Variants in SRBD1 observed in about 807,000 individuals in gnomAD.
SRBD1 encodes the protein S1 RNA-binding domain-containing protein 1.
Under a neutral mutation model 115.3 loss-of-function variants are expected in SRBD1, and 88 were observed. The ratio of observed to expected loss-of-function variants is 0.76; its 90% CI spans 0.64 to 0.91. The LOEUF is 0.91. Ranked by LOEUF, SRBD1 falls within the 40% of genes least tolerant of loss-of-function variation. The probability of loss-of-function intolerance (pLI) is 0.00; values close to 1 mark genes in which losing one functional copy is unlikely to be tolerated. For missense variants in SRBD1, 1,385 were observed against 1,177.4 expected (o/e 1.18, Z -2.58); for synonymous variants, 509 against 407.7 (o/e 1.25, Z -2.99).
At chr2:45,584,203 T>C (rs1673447277) in intron 5 of SRBD1, among the ~76,000 whole-genome samples, 1 of 152,206 alleles carries the variant, frequency 6.6e-6, no homozygotes, top group Non-Finnish European at 1.5e-5. Flanking sequence ...CCAGCTTCTT[T>C]TCAGAAACAG....
intron 1 of SRBD1, among the ~76,000 whole-genome samples, chr2:45,607,196 T>C (rs941571605): frequency 1.3e-5 from 2 of 152,176 alleles, no homozygotes; most frequent in African/African-American, 2.4e-5. Flanking sequence ...GAACAGGTAA[T>C]TGTGATTTTT....
chr2:45,571,517 C>CAAAAAAAAAA (rs58100763), intron 9 of SRBD1, among the ~76,000 whole-genome samples: 755 of 39,408 alleles, frequency 0.019, 70 homozygotes, highest in Non-Finnish European at 0.026. Context: ...CAGACTTTAC[C>CAAAAAAAAAA]AAAAAAAAAA....
At chr2:45,440,233 C>T (rs1418950648) in intron 16 of SRBD1, among the ~76,000 whole-genome samples, 1 of 151,852 alleles carries the variant, frequency 6.6e-6, no homozygotes, top group African/African-American at 2.4e-5. Context: ...AATCATGAAA[C>T]TAAAAAAATG....
intron 5 of SRBD1, among the ~76,000 whole-genome samples, chr2:45,584,043 T>C (rs550324885): frequency 4.5e-4 from 68 of 152,322 alleles, no homozygotes; most frequent in African/African-American, 1.6e-3. Flanking sequence ...TTTCTCCAAT[T>C]TCAGATCCAA....
chr2:45,593,483 C>G (rs797018870), intron 4 of SRBD1, among the ~76,000 whole-genome samples: 18 of 152,242 alleles, frequency 1.2e-4, no homozygotes, highest in African/African-American at 4.3e-4. Flanking sequence ...TTAAAATGCC[C>G]TCTCTAAAAC....
intron 16 of SRBD1, among the ~76,000 whole-genome samples, chr2:45,427,203 C>A (rs777148613): frequency 6.7e-6 from 1 of 148,848 alleles, no homozygotes; most frequent in Admixed American, 6.7e-5. Context: ...CCTGATGAAG[C>A]TGAAAAACAC....
At chr2:45,597,153 G>A (rs1673927706) in intron 4 of SRBD1, among the ~76,000 whole-genome samples, 1 of 152,156 alleles carries the variant, frequency 6.6e-6, no homozygotes, top group Non-Finnish European at 1.5e-5. Context: ...GAGTGCGGTG[G>A]CTTACACCTG....
chr2:45,570,697 T>C (rs1303165230), intron 9 of SRBD1, among the ~76,000 whole-genome samples: 2 of 152,182 alleles, frequency 1.3e-5, no homozygotes, highest in Non-Finnish European at 2.9e-5. Flanking sequence ...TACCCCAGTC[T>C]CCAGCTCAGC....
intron 16 of SRBD1, among the ~76,000 whole-genome samples, chr2:45,420,570 C>T (rs1191736279): frequency 2.6e-5 from 4 of 151,992 alleles, no homozygotes; most frequent in African/African-American, 4.8e-5. Flanking sequence ...ATTTAGAAAC[C>T]GTAAGAACCA....
At chr2:45,605,571 G>C (rs1674242871) in intron 1 of SRBD1, 130 bp from the exon 2 acceptor site, 2 of 847,194 alleles carry the variant, frequency 2.4e-6, no homozygotes, top group South Asian at 3.2e-5. Context: ...TTATTCACAA[G>C]CCCAAACATC....
intron 16 of SRBD1, among the ~76,000 whole-genome samples, chr2:45,435,459 G>A (rs964103020): frequency 6.6e-6 from 1 of 151,662 alleles, no homozygotes; most frequent in Non-Finnish European, 1.5e-5. Context: ...GCTCTGAAGA[G>A]CAGTATTCCA....
chr2:45,504,949 A>C (rs1332251542), intron 14 of SRBD1, among the ~76,000 whole-genome samples: 1 of 152,174 alleles, frequency 6.6e-6, no homozygotes, highest in Non-Finnish European at 1.5e-5. Flanking sequence ...CCTCATTATT[A>C]TCTAGTGAAG....
intron 14 of SRBD1, among the ~76,000 whole-genome samples, chr2:45,541,099 G>A (rs1032382507): frequency 6.6e-6 from 1 of 152,234 alleles, no homozygotes; most frequent in African/African-American, 2.4e-5. Context: ...GTAGTGCGGT[G>A]AGCGGTGTGT....
chr2:45,446,302 T>A (rs1018532414), intron 16 of SRBD1, among the ~76,000 whole-genome samples: 5 of 152,172 alleles, frequency 3.3e-5, no homozygotes, highest in Non-Finnish European at 1.5e-5. Context: ...CCCTGCTTCA[T>A]AATGTCTTTA....
chr2:45,519,769 A>T (rs1366192478), intron 14 of SRBD1, among the ~76,000 whole-genome samples: 1 of 152,172 alleles, frequency 6.6e-6, no homozygotes, highest in Non-Finnish European at 1.5e-5. Context: ...CTTTCAGAGA[A>T]GGTGGCATGT....
chr2:45,480,556 A>G (rs1669930772), intron 15 of SRBD1, among the ~76,000 whole-genome samples: 1 of 152,196 alleles, frequency 6.6e-6, no homozygotes, highest in Non-Finnish European at 1.5e-5. Context: ...AATTGCTGTA[A>G]TCTCATGATC....
chr2:45,510,965 T>A (rs534476661), intron 14 of SRBD1, among the ~76,000 whole-genome samples: 1 of 152,224 alleles, frequency 6.6e-6, no homozygotes, highest in Non-Finnish European at 1.5e-5. Context: ...GTTTTCATAG[T>A]GAATGACTGC....
chr2:45,530,775 T>C (rs775787487), intron 14 of SRBD1, among the ~76,000 whole-genome samples: 1 of 151,990 alleles, frequency 6.6e-6, no homozygotes, highest in Admixed American at 6.6e-5. Context: ...GGCTGAACCA[T>C]ATATGGTATA....
chr2:45,569,069 C>G (rs1672925377), intron 9 of SRBD1: 1 of 151,974 alleles, frequency 6.6e-6, no homozygotes, highest in African/African-American at 2.4e-5. Context: ...AAACAGGACC[C>G]AACATAAAAT....
Sources: gnomAD v4.1 joint callset for allele counts (sites outside exome capture counted in the v4.1 genomes callset) on GRCh38, gnomAD v4.1.1 for gene constraint, MANE v1.5 for transcripts, NCBI Gene and HGNC (gene_info 2026-07-23, HGNC 2026-07-21) for gene names.